Variants in SLK observed in about 807,000 individuals in gnomAD.
The protein encoded by SLK is STE20 like kinase.
SLK carries 67 observed loss-of-function variants against 147.7 expected under a neutral mutation model. The ratio of observed to expected loss-of-function variants is 0.45; its 90% CI spans 0.37 to 0.56. The LOEUF (loss-of-function observed/expected upper bound fraction) is 0.56. Ranked by LOEUF, SLK falls within the 20% of genes least tolerant of loss-of-function variation. The pLI is 0.00. For missense variants in SLK, 1,136 were observed against 1,438.8 expected, an observed-to-expected ratio of 0.79 and a Z score of 3.41; for synonymous variants, 441 against 475.0, an observed-to-expected ratio of 0.93 and a Z score of 0.93.
At chr10:103,971,700 A>G (rs754700297) in intron 1 of SLK, among the ~76,000 whole-genome samples, 2 of 152,270 alleles carry the variant, frequency 1.3e-5, no homozygotes, top group African/African-American at 2.4e-5. Flanking sequence ...TGTGTGCTGG[A>G]TGAAAGTAGT....
intron 10 of SLK, 98 bp downstream of exon 10, chr10:104,005,789 A>AT (rs1049866667): frequency 1.6e-4 from 240 of 1,468,928 alleles, no homozygotes; most frequent in Non-Finnish European, 1.9e-4. Context: ...TTATTGGCTA[A>AT]TTTTTTTTTA....
intron 1 of SLK, among the ~76,000 whole-genome samples, chr10:103,969,134 T>C (rs572222346): frequency 4.3e-4 from 65 of 152,252 alleles, no homozygotes; most frequent in Middle Eastern, 3.4e-3. Context: ...CATGCCCGGC[T>C]AATTTTGTAT....
intron 13 of SLK, among the ~76,000 whole-genome samples, chr10:104,014,754 A>G (rs569886199): frequency 6.6e-6 from 1 of 152,310 alleles, no homozygotes; most frequent in East Asian, 1.9e-4. Flanking sequence ...TTAATATGAT[A>G]AAATTGTTTA....
intron 4 of SLK, among the ~76,000 whole-genome samples, chr10:103,994,071 AT>A (rs933437238): frequency 5.3e-5 from 8 of 151,908 alleles, no homozygotes; most frequent in African/African-American, 1.7e-4. Flanking sequence ...ATTTTTAAAA[AT>A]TTTTTTGTAG....
chr10:104,010,998 GTTA>G (rs2134514022), intron 13 of SLK, 90 bp downstream of exon 13: 4 of 690,106 alleles, frequency 5.8e-6, no homozygotes, highest in African/African-American at 3.7e-5. Context: ...AATTTTAAGT[GTTA>G]TTATTATATG....
At position 103,999,933 on chromosome 10, in the gene SLK, A is replaced by T; in HGVS notation, c.849A>T (p.Thr283=). The T allele has an allele frequency of 1.3e-6, 2 of 1,536,212 alleles. No individual in the cohort carries two copies. The highest frequency in any genetic ancestry group is 1.8e-6 in the Non-Finnish European group (2 of 1,120,470). Residue 283 remains threonine, a synonymous_variant, in exon 7 of 19, where the codon ACA becomes ACT. Coordinates refer to ENST00000369755, the MANE Select transcript of SLK (RefSeq NM_014720.4). ...LEKNVDARWT[T]SQLLQHPFVT... ...AGAATGTGGATGCCAGGTGGACTAC[A>T]TCTCAGCTGCTGCAGGTAAGAGAGT...
intron 4 of SLK, among the ~76,000 whole-genome samples, chr10:103,994,302 C>T (rs890449589): frequency 3.9e-5 from 6 of 152,182 alleles, no homozygotes; most frequent in Non-Finnish European, 8.8e-5. Flanking sequence ...ACAGGCATCC[C>T]AGAAGCTCTT....
At chr10:104,014,338 A>G (rs1001719871) in intron 13 of SLK, among the ~76,000 whole-genome samples, 3 of 152,204 alleles carry the variant, frequency 2.0e-5, no homozygotes, top group Admixed American at 2.0e-4. Context: ...TTTTAAGTTA[A>G]GTTGGAAATT....
intron 1 of SLK, among the ~76,000 whole-genome samples, chr10:103,984,050 T>C (rs1028399791): frequency 2.0e-4 from 30 of 152,178 alleles, no homozygotes; most frequent in Non-Finnish European, 5.9e-5. Context: ...GGCAACAGAG[T>C]TAGTCATTGT....
In SLK at chr10:104,008,295, AAGG is replaced by A. The variant is rs1844355221; in HGVS notation, c.2726_2728del (p.Gly909del). ...TTGCGAGATGAAGCCAAACGCATCA[AAGG>A]AGAACAAGAGAAAGAGTTGTCCAAA... On this transcript the variant is annotated inframe_deletion, in exon 12 of 19. Transcript: ENST00000369755. 1 of 1,613,986 alleles carries A rather than the reference AAGG, an allele frequency of 6.2e-7. No homozygotes were observed. The highest frequency in any genetic ancestry group is 1.3e-5 in the African/African-American group (1 of 74,934).
In SLK at chr10:103,974,655, C is replaced by CTTTTTTTT. The variant is rs568337016; in HGVS notation, c.150+6766_150+6773dup. ...AAAAAAAAAAAGTTCATCTTTTGGC[C>CTTTTTTTT]TTTTTTTTTTTTTGAGATGGAGTCT... On this transcript the variant is annotated intron_variant, in intron 1 of 18. Coordinates refer to ENST00000369755, the MANE Select transcript of SLK (RefSeq NM_014720.4). The CTTTTTTTT allele has an allele frequency of 6.6e-5, 2 of 30,178 alleles. 1 individual carries two copies. The highest frequency in any genetic ancestry group is 1.5e-4 in the Non-Finnish European group (2 of 12,964). 1.9% of individuals were successfully genotyped at this position (30,178 alleles called of 1,614,324 possible).
chr10:104,022,867 C>T (rs957260514), intron 18 of SLK, among the ~76,000 whole-genome samples: 2 of 152,172 alleles, frequency 1.3e-5, no homozygotes, highest in African/African-American at 2.4e-5. Context: ...TTGGGCCTCT[C>T]GAAGTGCTGG....
At chr10:104,016,948 A>C (rs893318682) in intron 13 of SLK, among the ~76,000 whole-genome samples, 1 of 152,202 alleles carries the variant, frequency 6.6e-6, no homozygotes, top group African/African-American at 2.4e-5. Flanking sequence ...AATTGATTGA[A>C]TAGTCCATGA....
At chr10:103,969,707 C>G (rs1483404759) in intron 1 of SLK, among the ~76,000 whole-genome samples, 1 of 152,176 alleles carries the variant, frequency 6.6e-6, no homozygotes, top group Non-Finnish European at 1.5e-5. Flanking sequence ...GAAGATCACT[C>G]CTGGGAATCA....
Position 103,999,729 on chromosome 10 carries a change from T to A in SLK, c.783-138T>A, listed in dbSNP as rs1227858640. ...AATAAGTTTTACAAAATCTTAATAG[T>A]CTCATTAACTAGTTATTTAAATGTT... On this transcript the variant is annotated intron_variant, in intron 6 of 18. Transcript: ENST00000369755. The A allele has an allele frequency of 9.9e-6, 5 of 505,354 alleles. No individual in the cohort carries two copies. In the East Asian group the frequency reaches 1.6e-4, roughly 16 times the overall value. 31.3% of individuals were successfully genotyped at this position (505,354 alleles called of 1,614,324 possible). A position where few individuals can be genotyped will look rare whatever the true frequency, so the allele number is the denominator to read the frequency against.
At chr10:103,985,401 C>T (rs748040096) in intron 1 of SLK, among the ~76,000 whole-genome samples, 67 of 152,150 alleles carry the variant, frequency 4.4e-4, no homozygotes, top group Non-Finnish European at 8.2e-4. Context: ...TTGAGTTGTT[C>T]GTGAACAATT....
At chr10:104,007,298 A>G (rs1307320615) in intron 11 of SLK, among the ~76,000 whole-genome samples, 1 of 152,154 alleles carries the variant, frequency 6.6e-6, no homozygotes, top group Non-Finnish European at 1.5e-5. Context: ...TGAACATTCT[A>G]CTAGTATAAT....
At chr10:103,999,410 T>C in intron 6 of SLK, 97 bp downstream of exon 6, 1 of 917,696 alleles carries the variant, frequency 1.1e-6, no homozygotes, top group Non-Finnish European at 1.6e-6. Flanking sequence ...GTATTTAAAA[T>C]TGGATACATG....
At chr10:103,974,053 G>A (rs138505511) in intron 1 of SLK, among the ~76,000 whole-genome samples, 1 of 152,060 alleles carries the variant, frequency 6.6e-6, no homozygotes, top group African/African-American at 2.4e-5. Flanking sequence ...TCCTCTGTTC[G>A]TGGTGATGTA....
Sources: gnomAD v4.1 joint callset for allele counts (sites outside exome capture counted in the v4.1 genomes callset) on GRCh38, gnomAD v4.1.1 for gene constraint, MANE v1.5 for transcripts, NCBI Gene and HGNC (gene_info 2026-07-23, HGNC 2026-07-21) for gene names.